THSD4: variants seen among roughly 807,000 people sequenced by gnomAD.
The protein encoded by THSD4 is thrombospondin type-1 domain-containing protein 4.
THSD4 carries 69 observed loss-of-function variants against 119.0 expected under a neutral mutation model. The observed-to-expected ratio is 0.58, with a 90% CI of 0.48 to 0.71. The LOEUF (loss-of-function observed/expected upper bound fraction) is 0.71, where lower values mean the gene tolerates loss of function less well. Ranked by LOEUF, THSD4 falls within the 30% of genes least tolerant of loss-of-function variation. THSD4 has a pLI of 0.00. For synonymous variants in THSD4, 524 were observed against 540.4 expected, an observed-to-expected ratio of 0.97 and a Z score of 0.42; for missense variants, 1,393 against 1,391.1, an observed-to-expected ratio of 1.00 and a Z score of -0.02.
chr15:71,499,419 A>G (rs900183269), intron 7 of THSD4, among the ~76,000 whole-genome samples: 6 of 151,660 alleles, frequency 4.0e-5, no homozygotes, highest in African/African-American at 1.5e-4. Flanking sequence ...TATATTTTCC[A>G]TACACTTATC....
chr15:71,514,173 G>A (rs956134442), intron 7 of THSD4, among the ~76,000 whole-genome samples: 7 of 152,324 alleles, frequency 4.6e-5, no homozygotes, highest in African/African-American at 1.4e-4. Context: ...GAGGAAGAAC[G>A]AGGCACAGCA....
In THSD4 at chr15:71,481,126, A is replaced by G. The variant is rs1236584734; in HGVS notation, c.1152+69303A>G. 2.6e-5 allele frequency among the ~76,000 whole-genome samples: 4 copies of G among 152,300 alleles called. No individual in the cohort carries two copies. The East Asian group carries it at 7.7e-4, about 29-fold the overall frequency. On this transcript the variant is annotated intron_variant, in intron 7 of 17. Coordinates refer to ENST00000261862, the MANE Select transcript of THSD4 (RefSeq NM_024817.3). ...CTAAGCCAACAACAAACAAATAAAA[A>G]CCTGCATTTGATTGGAAGAAAAAAA...
chr15:71,585,915 T>C (rs2049660033), intron 7 of THSD4, among the ~76,000 whole-genome samples: 1 of 152,218 alleles, frequency 6.6e-6, no homozygotes, highest in Non-Finnish European at 1.5e-5. Flanking sequence ...TTGTATTACT[T>C]AGTGCCAGGA....
chr15:71,173,480 A>G (rs551259348), intron 3 of THSD4, among the ~76,000 whole-genome samples: 20 of 151,820 alleles, frequency 1.3e-4, no homozygotes, highest in Admixed American at 1.2e-3. Context: ...CAATTCCTAT[A>G]AAAATCCCAG....
intron 7 of THSD4, among the ~76,000 whole-genome samples, chr15:71,591,382 A>T (rs551891422): frequency 6.6e-6 from 1 of 152,194 alleles, no homozygotes; most frequent in Non-Finnish European, 1.5e-5. Flanking sequence ...TTTTCTGTTT[A>T]TGCATGTCAC....
At chr15:71,163,522 G>T (rs938114271) in intron 3 of THSD4, among the ~76,000 whole-genome samples, 6 of 152,082 alleles carry the variant, frequency 3.9e-5, no homozygotes, top group African/African-American at 1.4e-4. Flanking sequence ...CATGACTAAT[G>T]ATGAGTTTGT....
At chr15:71,697,493 A>C (rs2052188593) in intron 8 of THSD4, among the ~76,000 whole-genome samples, 1 of 152,212 alleles carries the variant, frequency 6.6e-6, no homozygotes, top group Non-Finnish European at 1.5e-5. Context: ...CCTCTGCCAG[A>C]GGATCCCAGG....
chr15:71,658,824 A>G (rs989997263), intron 7 of THSD4, among the ~76,000 whole-genome samples: 2 of 152,230 alleles, frequency 1.3e-5, no homozygotes, highest in Non-Finnish European at 2.9e-5. Context: ...AATGTTTTAC[A>G]GAGATGCTAT....
intron 3 of THSD4, chr15:71,186,192 A>G (rs2043600917): frequency 6.6e-6 from 1 of 152,184 alleles, no homozygotes; most frequent in Non-Finnish European, 1.5e-5. Context: ...GGGGGAAAAG[A>G]GGCATTATCC....
intron 8 of THSD4, among the ~76,000 whole-genome samples, chr15:71,663,014 C>T (rs902059716): frequency 1.3e-5 from 2 of 152,022 alleles, no homozygotes; most frequent in African/African-American, 4.8e-5. Flanking sequence ...TGTGGGAGGC[C>T]AAGGCAGGAG....
intron 6 of THSD4, among the ~76,000 whole-genome samples, chr15:71,326,046 T>C (rs1244588064): frequency 2.6e-5 from 4 of 152,186 alleles, no homozygotes; most frequent in Admixed American, 2.6e-4. Flanking sequence ...ACTTAATAAT[T>C]CCATATAACT....
intron 7 of THSD4, among the ~76,000 whole-genome samples, chr15:71,531,922 T>C (rs1213513759): frequency 2.0e-5 from 3 of 152,148 alleles, no homozygotes; most frequent in Non-Finnish European, 4.4e-5. Context: ...CATCAGTGTG[T>C]CCCCCTCTTC....
intron 6 of THSD4, among the ~76,000 whole-genome samples, chr15:71,392,124 A>G (rs1388571485): frequency 6.6e-6 from 1 of 152,240 alleles, no homozygotes; most frequent in Non-Finnish European, 1.5e-5. Flanking sequence ...ACTTAAGAGC[A>G]AGAGAATATG....
intron 1 of THSD4, among the ~76,000 whole-genome samples, chr15:71,105,622 C>A (rs2040270953): frequency 6.6e-6 from 1 of 152,184 alleles, no homozygotes; most frequent in Admixed American, 6.5e-5. Context: ...TGAGGAAATT[C>A]CAAGGGTTTT....
At chr15:71,651,015 A>G (rs112378249) in intron 7 of THSD4, among the ~76,000 whole-genome samples, 1 of 152,326 alleles carries the variant, frequency 6.6e-6, no homozygotes, top group African/African-American at 2.4e-5. Context: ...AAAGAATGGG[A>G]GAGAGAGAAT....
intron 7 of THSD4, among the ~76,000 whole-genome samples, chr15:71,615,235 G>A (rs1253904938): frequency 6.6e-6 from 1 of 152,162 alleles, no homozygotes; most frequent in African/African-American, 2.4e-5. Context: ...AGATTTCTGT[G>A]ATGCATGGAA....
intron 8 of THSD4, among the ~76,000 whole-genome samples, chr15:71,706,387 C>T (rs1294297169): frequency 6.6e-6 from 1 of 152,060 alleles, no homozygotes; most frequent in Non-Finnish European, 1.5e-5. Flanking sequence ...TGGTTTGGGA[C>T]ATGTTGAACT....
intron 7 of THSD4, among the ~76,000 whole-genome samples, chr15:71,455,744 G>A (rs2047330226): frequency 6.6e-6 from 1 of 152,120 alleles, no homozygotes; most frequent in Non-Finnish European, 1.5e-5. Flanking sequence ...TGAGGAGGGG[G>A]GTAGAAATTT....
chr15:71,506,516 G>A (rs1306126995), intron 7 of THSD4, among the ~76,000 whole-genome samples: 1 of 152,208 alleles, frequency 6.6e-6, no homozygotes, highest in African/African-American at 2.4e-5. Context: ...TTTGCAGGTG[G>A]CCTGCTTTGT....
Sources: allele counts gnomAD v4.1 joint callset (sites outside exome capture counted in the v4.1 genomes callset), GRCh38; gene constraint gnomAD v4.1.1; transcripts MANE v1.5; gene names NCBI Gene and HGNC (gene_info 2026-07-23, HGNC 2026-07-21).